Variants in MTIF2 observed in about 807,000 individuals in gnomAD.
MTIF2 encodes translation initiation factor IF-2, mitochondrial.
In MTIF2, 71 loss-of-function variants were observed where a neutral mutation model predicts 83.5. That is an observed-to-expected ratio of 0.85 (90% CI 0.70 to 1.04). The LOEUF is 1.04. Ranked by LOEUF, MTIF2 falls within the 50% of genes least tolerant of loss-of-function variation. The pLI is 0.00. For synonymous variants in MTIF2, 319 were observed against 287.1 expected (o/e 1.11, Z -1.12); for missense variants, 957 against 846.5 (o/e 1.13, Z -1.62).
At position 55,246,366 on chromosome 2, in the gene MTIF2, T is replaced by G; in HGVS notation, c.1077A>C (p.Val359=). The change falls in exon 10 of 16, where the codon GTA becomes GTC. Residue 359 remains valine, a synonymous_variant. Transcript: ENST00000263629. ...ADPNGPVEGT[V]IESFTDKGRG... ...TTCCTTTGTCTGTGAAAGACTCTATTACTGTTCCTTCCACTGGACCATTGG... is the reference window on the plus strand; with the variant it reads ...TTCCTTTGTCTGTGAAAGACTCTATGACTGTTCCTTCCACTGGACCATTGG... 1.9e-6 allele frequency: 3 copies of G among 1,613,986 alleles called. No individual in the cohort carries two copies. The highest frequency in any genetic ancestry group is 2.5e-6 in the Non-Finnish European group (3 of 1,179,892).
intron 8 of MTIF2, among the ~76,000 whole-genome samples, chr2:55,252,120 A>G (rs1677139127): frequency 6.6e-6 from 1 of 152,236 alleles, no homozygotes; most frequent in Non-Finnish European, 1.5e-5. Context: ...AAATAACAGA[A>G]TATAACCACT....
intron 5 of MTIF2, among the ~76,000 whole-genome samples, chr2:55,257,307 C>T (rs1186044562): frequency 1.3e-5 from 2 of 152,088 alleles, no homozygotes; most frequent in African/African-American, 4.8e-5. Flanking sequence ...TGGTGAAACC[C>T]CATCTCCATT....
intron 14 of MTIF2, among the ~76,000 whole-genome samples, chr2:55,239,232 C>T (rs1380896345): frequency 1.3e-5 from 2 of 152,212 alleles, no homozygotes; most frequent in Non-Finnish European, 2.9e-5. Context: ...GTTAAATTTC[C>T]TGAGTTTGAT....
chr2:55,252,301 C>G (rs989547933), intron 8 of MTIF2, among the ~76,000 whole-genome samples, 176 bp downstream of exon 8: 6 of 152,090 alleles, frequency 3.9e-5, no homozygotes, highest in Admixed American at 3.3e-4. Flanking sequence ...AAGTTGAATC[C>G]TGCTATACTC....
intron 9 of MTIF2, among the ~76,000 whole-genome samples, chr2:55,248,275 T>C (rs1000909578): frequency 6.6e-6 from 1 of 152,194 alleles, no homozygotes; most frequent in South Asian, 2.1e-4. Flanking sequence ...GATAACAAAG[T>C]AAGGTAGCAT....
At chr2:55,242,703 A>G (rs1462020078) in intron 13 of MTIF2, among the ~76,000 whole-genome samples, 1 of 152,174 alleles carries the variant, frequency 6.6e-6, no homozygotes, top group Non-Finnish European at 1.5e-5. Context: ...GATAAACGTG[A>G]CCAGGTCTTG....
rs1439760123 is a variant in MTIF2 at position 55,262,370 on chromosome 2, C to T, written c.277G>A (p.Val93Ile). Residue 93 changes from valine (V) to isoleucine (I), a missense_variant, in exon 5 of 16, where the codon GTA becomes ATA. By Grantham distance (29) the Val-to-Ile change is conservative. Transcript: ENST00000263629. The part of the protein sequence containing the change: ...SSTKSKKVVE[V>I]WIGMTIEELA... Reference sequence around the variant, plus strand: ...TCCTCAATAGTCATTCCAATCCATACTTCTACCACCTTTTTAGATTTTGTT... The same window carrying T: ...TCCTCAATAGTCATTCCAATCCATATTTCTACCACCTTTTTAGATTTTGTT... The T allele has an allele frequency of 3.7e-6, 6 of 1,613,738 alleles. No homozygotes were observed. Among genetic ancestry groups the T allele is most frequent in the Admixed American group, 1.7e-5 (1 of 59,970 alleles).
intron 11 of MTIF2, 144 bp downstream of exon 11, chr2:55,243,885 T>C: frequency 2.2e-6 from 2 of 923,954 alleles, no homozygotes; most frequent in Non-Finnish European, 3.1e-6. Flanking sequence ...TATAGTCTAA[T>C]GCTAAAATAG....
chr2:55,263,077 G>A (rs902521563), intron 4 of MTIF2, among the ~76,000 whole-genome samples: 8 of 152,052 alleles, frequency 5.3e-5, no homozygotes, highest in East Asian at 1.9e-4. Flanking sequence ...TGGCCAGGAC[G>A]GTCTCGAACT....
chr2:55,238,134 C>T (rs1490185833), intron 14 of MTIF2, among the ~76,000 whole-genome samples: 2 of 151,084 alleles, frequency 1.3e-5, no homozygotes, highest in East Asian at 4.0e-4. Flanking sequence ...CCCTCAAGCT[C>T]CTGGGCTCAA....
intron 8 of MTIF2, among the ~76,000 whole-genome samples, chr2:55,251,535 T>C (rs1677092703): frequency 6.6e-6 from 1 of 152,162 alleles, no homozygotes; most frequent in Admixed American, 6.6e-5. Flanking sequence ...TGCCAGTAAA[T>C]CTGGGGGTAA....
intron 3 of MTIF2, among the ~76,000 whole-genome samples, chr2:55,267,260 G>C (rs1573933526): frequency 6.6e-6 from 1 of 152,012 alleles, no homozygotes; most frequent in Non-Finnish European, 1.5e-5. Context: ...GGGTTCAGGG[G>C]ATTCTCCTGC....
At chr2:55,258,794 A>G (rs1035610298) in intron 5 of MTIF2, among the ~76,000 whole-genome samples, 1 of 147,300 alleles carries the variant, frequency 6.8e-6, no homozygotes, top group African/African-American at 2.5e-5. Flanking sequence ...ACTAGGTGAC[A>G]GAGCAAGCCT....
At position 55,243,673 on chromosome 2, in the gene MTIF2, A is replaced by G. The variant is rs1204623964; in HGVS notation, c.1312-5T>C. ...AACAACTTCACGTGCCCTTGGCTTT[A>G]TAGGGGAAAAACGTATTATTTAATG... On this transcript the variant is annotated splice_polypyrimidine_tract_variant and splice_region_variant and intron_variant, in intron 11 of 15. Transcript: ENST00000263629. 6.2e-7 allele frequency: 1 copy of G among 1,610,536 alleles called. No individual in the cohort carries two copies. Among genetic ancestry groups the G allele is most frequent in the Admixed American group, 1.7e-5 (1 of 59,454 alleles).
At chr2:55,253,065 T>A (rs1358836281) in intron 7 of MTIF2, among the ~76,000 whole-genome samples, 1 of 152,190 alleles carries the variant, frequency 6.6e-6, no homozygotes, top group African/African-American at 2.4e-5. Context: ...CCATTGACCT[T>A]GGGTTTAAAT....
intron 8 of MTIF2, 112 bp downstream of exon 8, chr2:55,252,365 T>C (rs145509968): frequency 1.0e-5 from 9 of 895,558 alleles, no homozygotes; most frequent in Non-Finnish European, 1.4e-5. Flanking sequence ...GGCTTATCTG[T>C]AATACACGTA....
intron 5 of MTIF2, among the ~76,000 whole-genome samples, chr2:55,258,174 A>G (rs922064548): frequency 3.9e-5 from 6 of 152,278 alleles, no homozygotes; most frequent in African/African-American, 1.4e-4. Flanking sequence ...ATAATTCCTT[A>G]TAATTTAGCA....
chr2:55,240,545 C>T (rs1183717290), intron 13 of MTIF2, among the ~76,000 whole-genome samples: 5 of 152,096 alleles, frequency 3.3e-5, no homozygotes, highest in Admixed American at 2.6e-4. Context: ...CGCCACTGCA[C>T]TCCAGCCTGG....
At chr2:55,241,878 C>T (rs558369585) in intron 13 of MTIF2, among the ~76,000 whole-genome samples, 10 of 151,778 alleles carry the variant, frequency 6.6e-5, no homozygotes, top group South Asian at 6.3e-4. Context: ...CTAGGCACAA[C>T]GGCTCATGCC....
Sources: gnomAD v4.1 joint callset for allele counts (sites outside exome capture counted in the v4.1 genomes callset) on GRCh38, gnomAD v4.1.1 for gene constraint, MANE v1.5 for transcripts, NCBI Gene and HGNC (gene_info 2026-07-23, HGNC 2026-07-21) for gene names.